TAFA2: variants seen among roughly 807,000 people sequenced by gnomAD.
TAFA2 encodes TAFA chemokine like family member 2.
TAFA2 carries 7 observed loss-of-function variants against 18.8 expected under a neutral mutation model. The observed-to-expected ratio is 0.37, with a 90% CI of 0.21 to 0.70. TAFA2 has a LOEUF of 0.70. TAFA2 is among the 30% of genes least tolerant of loss of function. TAFA2 has a pLI of 0.53. For synonymous variants in TAFA2, 60 were observed against 54.2 expected (o/e 1.11, Z -0.47); for missense variants, 122 against 158.1 (o/e 0.77, Z 1.23).
intron 4 of TAFA2, among the ~76,000 whole-genome samples, chr12:61,718,849 G>A (rs1166077645): frequency 1.3e-5 from 2 of 152,122 alleles, no homozygotes; most frequent in African/African-American, 4.8e-5. Flanking sequence ...AGAATCACCA[G>A]TCTCACTACA....
chr12:62,042,788 T>G (rs1328574990), intron 1 of TAFA2, among the ~76,000 whole-genome samples: 2 of 152,072 alleles, frequency 1.3e-5, no homozygotes, highest in East Asian at 3.9e-4. Flanking sequence ...CGGGGTCGCC[T>G]GTAAGCATAA....
chr12:62,079,827 C>CT (rs1315529773), intron 1 of TAFA2, among the ~76,000 whole-genome samples: 1 of 152,220 alleles, frequency 6.6e-6, no homozygotes, highest in Non-Finnish European at 1.5e-5. Flanking sequence ...AAGCAGCACA[C>CT]TAACAGCAAA....
At chr12:62,021,933 C>T (rs1328942788) in intron 1 of TAFA2, 1 of 725,442 alleles carries the variant, frequency 1.4e-6, no homozygotes, top group African/African-American at 1.7e-5. Context: ...TGAATTGCAA[C>T]ACACCATGGC....
chr12:62,241,954 G>C (rs2136990088), intron 1 of TAFA2, among the ~76,000 whole-genome samples: 1 of 152,260 alleles, frequency 6.6e-6, no homozygotes, highest in African/African-American at 2.4e-5. Flanking sequence ...AGGTCACCAG[G>C]CATAGATGAA....
At chr12:61,896,376 A>G (rs1193014255) in intron 1 of TAFA2, among the ~76,000 whole-genome samples, 1 of 152,202 alleles carries the variant, frequency 6.6e-6, no homozygotes, top group Admixed American at 6.5e-5. Context: ...AAACATTACG[A>G]AATATTTAAT....
intron 1 of TAFA2, among the ~76,000 whole-genome samples, chr12:62,083,167 G>C (rs1266257483): frequency 6.6e-6 from 1 of 151,392 alleles, no homozygotes; most frequent in African/African-American, 2.4e-5. Flanking sequence ...AGCTGTTTTC[G>C]TTTTATTAAT....
intron 2 of TAFA2, among the ~76,000 whole-genome samples, chr12:61,817,529 G>A (rs1447372792): frequency 6.6e-6 from 1 of 152,030 alleles, no homozygotes; most frequent in Admixed American, 6.6e-5. Context: ...TCCTAGACAA[G>A]AATTTTTTCT....
At chr12:61,851,836 A>AATAAAATT (rs1430246184) in intron 2 of TAFA2, among the ~76,000 whole-genome samples, 4 of 147,856 alleles carry the variant, frequency 2.7e-5, no homozygotes, top group Non-Finnish European at 6.0e-5. Flanking sequence ...TAAGTAGAGA[A>AATAAAATT]ATAAAATTAT....
At chr12:61,832,245 G>A (rs1872747994) in intron 2 of TAFA2, among the ~76,000 whole-genome samples, 2 of 152,022 alleles carry the variant, frequency 1.3e-5, no homozygotes, top group Non-Finnish European at 2.9e-5. Context: ...GAACGGCCAT[G>A]CAACGTTTAC....
intron 1 of TAFA2, among the ~76,000 whole-genome samples, chr12:62,162,987 C>G (rs906252652): frequency 6.6e-6 from 1 of 151,782 alleles, no homozygotes; most frequent in Admixed American, 6.6e-5. Context: ...GAAGACACAG[C>G]ATGAACAAAG....
chr12:62,038,624 C>A (rs1021287610), intron 1 of TAFA2, among the ~76,000 whole-genome samples: 1 of 151,774 alleles, frequency 6.6e-6, no homozygotes, highest in Non-Finnish European at 1.5e-5. Context: ...AGTCAGTGCC[C>A]CACAGATACC....
intron 1 of TAFA2, among the ~76,000 whole-genome samples, chr12:62,006,966 G>T (rs748568664): frequency 8.5e-5 from 13 of 152,126 alleles, no homozygotes; most frequent in Non-Finnish European, 1.2e-4. Context: ...AGACTAAATG[G>T]ACTATATATT....
At chr12:62,067,433 G>C (rs1882519561) in intron 1 of TAFA2, among the ~76,000 whole-genome samples, 1 of 151,930 alleles carries the variant, frequency 6.6e-6, no homozygotes, top group South Asian at 2.1e-4. Context: ...TCTTTTAGTA[G>C]TTTCAATGTT....
intron 1 of TAFA2, among the ~76,000 whole-genome samples, chr12:62,062,994 A>G (rs1339943126): frequency 2.0e-5 from 3 of 152,066 alleles, no homozygotes; most frequent in Admixed American, 1.3e-4. Context: ...AACCAGGGAA[A>G]GGTTCACTGC....
intron 1 of TAFA2, among the ~76,000 whole-genome samples, chr12:62,161,842 T>A (rs925059630): frequency 3.9e-5 from 6 of 152,198 alleles, no homozygotes; most frequent in Non-Finnish European, 8.8e-5. Context: ...CAATGTTTAA[T>A]ATTATAAGTG....
At chr12:61,747,664 A>G (rs1408737177) in intron 4 of TAFA2, among the ~76,000 whole-genome samples, 1 of 147,542 alleles carries the variant, frequency 6.8e-6, no homozygotes, top group Non-Finnish European at 1.5e-5. Flanking sequence ...GAATTGAACA[A>G]TGAGATCACA....
intron 1 of TAFA2, among the ~76,000 whole-genome samples, chr12:62,181,995 C>CCCG (rs1555196476): frequency 6.0e-5 from 9 of 149,476 alleles, no homozygotes; most frequent in East Asian, 2.0e-4. Context: ...GTCCATCCCC[C>CCCG]CCCCGCTACA....
chr12:61,926,681 T>C (rs541641303), intron 1 of TAFA2, among the ~76,000 whole-genome samples: 17 of 152,330 alleles, frequency 1.1e-4, no homozygotes, highest in African/African-American at 4.1e-4. Flanking sequence ...AAATTAGGTA[T>C]TGATGGAATG....
At chr12:62,057,752 C>A (rs1424226879) in intron 1 of TAFA2, among the ~76,000 whole-genome samples, 1 of 152,086 alleles carries the variant, frequency 6.6e-6, no homozygotes, top group Non-Finnish European at 1.5e-5. Context: ...ATCCTTAATA[C>A]TTCACACTCA....
Sources: gnomAD v4.1 joint callset for allele counts (sites outside exome capture counted in the v4.1 genomes callset) on GRCh38, gnomAD v4.1.1 for gene constraint, MANE v1.5 for transcripts, NCBI Gene and HGNC (gene_info 2026-07-23, HGNC 2026-07-21) for gene names.